The following BPTF variants were observed in gnomAD, a reference collection of about 807,000 sequenced individuals.
The protein encoded by BPTF is nucleosome-remodeling factor subunit BPTF.
BPTF carries 18 observed loss-of-function variants against 292.5 expected under a neutral mutation model. The observed-to-expected ratio is 0.06, with a 90% CI of 0.04 to 0.09. The LOEUF is 0.09. Ranked by LOEUF, BPTF falls within the 10% of genes least tolerant of loss-of-function variation. BPTF has a pLI of 1.00. For synonymous variants in BPTF, 1,225 were observed against 1,251.9 expected, an observed-to-expected ratio of 0.98 and a Z score of 0.45; for missense variants, 2,726 against 3,498.7, an observed-to-expected ratio of 0.78 and a Z score of 5.57.
At chr17:67,919,922 C>G (rs2063323760) in intron 12 of BPTF, 93 bp from the exon 13 acceptor site, 1 of 1,255,942 alleles carries the variant, frequency 8.0e-7, no homozygotes, top group South Asian at 1.5e-5. Flanking sequence ...AAGTTTATTC[C>G]ACGTGTGTCT....
chr17:67,883,208 C>T (rs1460803690), intron 4 of BPTF, among the ~76,000 whole-genome samples: 1 of 151,664 alleles, frequency 6.6e-6, no homozygotes, highest in Non-Finnish European at 1.5e-5. Flanking sequence ...CTCAGCTGCT[C>T]AGGAGGCTGA....
At chr17:67,845,930 A>G (rs2057997512) in intron 1 of BPTF, among the ~76,000 whole-genome samples, 1 of 152,040 alleles carries the variant, frequency 6.6e-6, no homozygotes, top group Non-Finnish European at 1.5e-5. Context: ...TACTTGGGGA[A>G]AAAACTAAAG....
At chr17:67,931,753 G>C (rs1054711733) in intron 17 of BPTF, among the ~76,000 whole-genome samples, 158 bp from the exon 18 acceptor site, 1 of 152,090 alleles carries the variant, frequency 6.6e-6, no homozygotes, top group African/African-American at 2.4e-5. Flanking sequence ...TCTTTATTCT[G>C]ATGTTTAATA....
chr17:67,843,498 A>G (rs2057743127), intron 1 of BPTF, among the ~76,000 whole-genome samples: 1 of 149,696 alleles, frequency 6.7e-6, no homozygotes, highest in Non-Finnish European at 1.5e-5. Context: ...ACCTGGCCTT[A>G]CATGAGACTT....
intron 15 of BPTF, among the ~76,000 whole-genome samples, chr17:67,925,992 C>CTTTTTTTTTTT (rs60083535): frequency 3.5e-5 from 2 of 56,652 alleles, no homozygotes; most frequent in Non-Finnish European, 6.4e-5. Context: ...TAACATATTA[C>CTTTTTTTTTTT]TTTTTTTTTT....
At position 67,931,476 on chromosome 17, in the gene BPTF, AAAAT is replaced by A. The variant is rs901523648; in HGVS notation, c.6151-412_6151-409del. On this transcript the variant is annotated intron_variant, in intron 17 of 27. Coordinates refer to ENST00000306378, the MANE Select transcript of BPTF (RefSeq NM_182641.4). Reference sequence around the variant, plus strand: ...GGCAACAGAGTGAGACCCTGTCTTTAAAATAAATAAATAAATAAATAAATAATTT... The same window carrying A: ...GGCAACAGAGTGAGACCCTGTCTTTAAAATAAATAAATAAATAAATAATTT... Among the ~76,000 whole-genome samples the A allele has an allele frequency of 1.8e-4, 28 of 152,178 alleles. No homozygotes were observed. In the South Asian group the frequency reaches 3.1e-3, roughly 17 times the overall value.
At position 67,895,033 on chromosome 17, in the gene BPTF, C is replaced by T. The variant is rs186321226; in HGVS notation, c.2543+868C>T. Among the ~76,000 whole-genome samples the T allele has an allele frequency of 2.5e-4, 38 of 152,058 alleles. No individual in the cohort carries two copies. In the East Asian group the frequency reaches 5.0e-3, roughly 20 times the overall value. On this transcript the variant is annotated intron_variant, in intron 7 of 27. Coordinates refer to ENST00000306378, the MANE Select transcript of BPTF (RefSeq NM_182641.4). ...AGGGCATAAAGCAAAAAGTAAGAAC[C>T]ATTTTATCTTCTCTGCCCCAATCTT...
chr17:67,911,709 T>G lies in BPTF; in HGVS notation c.3825T>G (p.Phe1275Leu). 1.2e-6 allele frequency: 2 copies of G among 1,614,150 alleles called. No individual in the cohort carries two copies. Among genetic ancestry groups the G allele is most frequent in the Non-Finnish European group, 1.7e-6 (2 of 1,180,026 alleles). Residue 1275 changes from phenylalanine to leucine, a missense_variant, in exon 11 of 28, where the codon TTT becomes TTG. Transcript: ENST00000306378. ...CACCTCTGTCAAGAGCAATGGACTT[T>G]GAAGGAAAACTGGGATGTGACTCTG... ...DATPLSRAMD[F>L]EGKLGCDSES... is the part of the protein sequence containing the mutation.
At position 67,858,587 on chromosome 17, in the gene BPTF, C is replaced by T. The variant is rs146875632; in HGVS notation, c.1436+3825C>T. Among the ~76,000 whole-genome samples the T allele has an allele frequency of 4.1e-5, 6 of 145,704 alleles. 1 individual carries two copies. The East Asian group carries it at 1.2e-3, about 29-fold the overall frequency. ...AAAAAAAAAAAAAAAAAGTTTACTG[C>T]TGTGTTGTCATTGTAAGTGGAAATT... On this transcript the variant is annotated intron_variant, in intron 2 of 27. Coordinates refer to ENST00000306378, the MANE Select transcript of BPTF (RefSeq NM_182641.4).
rs375793981 is a variant in BPTF at position 67,854,634 on chromosome 17, A to C, written c.1308A>C (p.Ala436=). 1.1e-5 allele frequency: 17 copies of C among 1,614,132 alleles called. No homozygotes were observed. Among genetic ancestry groups the C allele is most frequent in the Non-Finnish European group, 1.3e-5 (15 of 1,180,058 alleles). Residue 436 remains alanine (A), a synonymous_variant, in exon 2 of 28, where the codon GCA becomes GCC. Transcript: ENST00000306378. This position sits in a 1 kb window ranked among gnomAD's most constrained non-coding sequence, Gnocchi z 5.6. ...AGTGGCAGTGTGAAGTCTGTGTAGCACACAAGGTGCCTGGTGTGACTGACT... is the reference window on the plus strand; with the variant it reads ...AGTGGCAGTGTGAAGTCTGTGTAGCCCACAAGGTGCCTGGTGTGACTGACT... ...EDEWQCEVCV[A]HKVPGVTDCV...
At chr17:67,864,356 GTC>G (rs1046518321) in intron 2 of BPTF, among the ~76,000 whole-genome samples, 54 of 152,000 alleles carry the variant, frequency 3.6e-4, no homozygotes, top group African/African-American at 1.3e-3. Context: ...GCGAAACCCT[GTC>G]TCTACTAAAA....
chr17:67,915,852 T>C (rs1451628321), intron 11 of BPTF, among the ~76,000 whole-genome samples: 1 of 152,194 alleles, frequency 6.6e-6, no homozygotes, highest in Non-Finnish European at 1.5e-5. Context: ...GTCTAACACA[T>C]AGAAGATGCT....
At chr17:67,903,229 A>G (rs933796183) in intron 7 of BPTF, among the ~76,000 whole-genome samples, 1 of 152,264 alleles carries the variant, frequency 6.6e-6, no homozygotes, top group African/African-American at 2.4e-5. Flanking sequence ...TGTGAGAATC[A>G]GAAATACTGG....
At chr17:67,923,774 C>G (rs964801911) in intron 14 of BPTF, among the ~76,000 whole-genome samples, 2 of 151,826 alleles carry the variant, frequency 1.3e-5, no homozygotes, top group Non-Finnish European at 2.9e-5. Context: ...GCCACCGCGC[C>G]CGGCCCTCTC....
Position 67,964,409 on chromosome 17 carries a change from G to GACCC in BPTF, c.8454+6_8454+9dup. On this transcript the variant is annotated splice_donor_region_variant and intron_variant, in intron 25 of 27. Coordinates refer to ENST00000306378, the MANE Select transcript of BPTF (RefSeq NM_182641.4). ...AGGGTGCTCCGTTCCTTACAGGTGA[G>GACCC]ACCCCTCTGTGTGCAGCATTTCAAA... The GACCC allele has an allele frequency of 6.2e-7, 1 of 1,603,056 alleles. No individual in the cohort carries two copies. Among genetic ancestry groups the GACCC allele is most frequent in the African/African-American group, 1.3e-5 (1 of 74,836 alleles).
intron 15 of BPTF, among the ~76,000 whole-genome samples, chr17:67,927,693 G>C (rs1251393057): frequency 6.6e-6 from 1 of 152,054 alleles, no homozygotes; most frequent in Non-Finnish European, 1.5e-5. Flanking sequence ...CCACATCTCT[G>C]TTGTTTTCAG....
chr17:67,945,283 G>T, intron 20 of BPTF, 126 bp from the exon 21 acceptor site: 1 of 1,479,628 alleles, frequency 6.8e-7, no homozygotes. Context: ...ACGTCCCAAG[G>T]TGCACAGGTG....
chr17:67,885,881 C>A (rs1402244788), intron 4 of BPTF, among the ~76,000 whole-genome samples: 2 of 151,694 alleles, frequency 1.3e-5, no homozygotes, highest in Non-Finnish European at 2.9e-5. Flanking sequence ...TAAGGTGATA[C>A]GAGTCAGTGA....
intron 1 of BPTF, among the ~76,000 whole-genome samples, chr17:67,849,765 C>T (rs2058271976): frequency 6.6e-6 from 1 of 151,918 alleles, no homozygotes; most frequent in Admixed American, 6.6e-5. Context: ...TGGGGAAACC[C>T]CTTCTATACT....
Sources: allele counts gnomAD v4.1 joint callset (sites outside exome capture counted in the v4.1 genomes callset), GRCh38; gene constraint gnomAD v4.1.1; non-coding constraint Gnocchi (gnomAD v3.1); transcripts MANE v1.5; gene names NCBI Gene and HGNC (gene_info 2026-07-23, HGNC 2026-07-21).